The following TP63 variants were observed in gnomAD, a reference collection of about 807,000 sequenced individuals.
The protein encoded by TP63 is tumor protein 63.
Under a neutral mutation model 82.8 loss-of-function variants are expected in TP63, and 17 were observed. That is an observed-to-expected ratio of 0.21 (90% CI 0.14 to 0.31). The LOEUF is 0.31. Among genes scored for constraint, TP63 ranks in the 10% least tolerant of loss-of-function variants. The pLI, the probability that TP63 is intolerant of heterozygous loss-of-function variation, is 1.00. For synonymous variants in TP63, 330 were observed against 321.7 expected (o/e 1.03, Z -0.28); for missense variants, 648 against 895.3 (o/e 0.72, Z 3.52).
chr3:189,598,879 C>T, the TP63 span, among the ~76,000 whole-genome samples: 11 of 152,178 alleles, frequency 7.2e-5, no homozygotes, highest in Non-Finnish European at 1.5e-4. Flanking sequence ...AATCTAGAGG[C>T]CCCAGAGAGT....
intron 3 of TP63, among the ~76,000 whole-genome samples, chr3:189,802,139 T>C (rs1050677141): frequency 2.0e-5 from 3 of 152,230 alleles, no homozygotes; most frequent in African/African-American, 7.2e-5. Context: ...ATGTCTCCCT[T>C]AGGCAGTGCT....
At chr3:189,784,662 C>T (rs1208467551) in intron 3 of TP63, among the ~76,000 whole-genome samples, 1 of 152,046 alleles carries the variant, frequency 6.6e-6, no homozygotes, top group Admixed American at 6.6e-5. Flanking sequence ...TAGAATACAA[C>T]TGTAAGATTT....
At chr3:189,816,676 AATAGAAAG>A (rs1254197017) in intron 4 of TP63, among the ~76,000 whole-genome samples, 2 of 152,194 alleles carry the variant, frequency 1.3e-5, no homozygotes, top group African/African-American at 4.8e-5. Context: ...TTTATTGTAG[AATAGAAAG>A]ATAGAAAGAT....
At chr3:189,718,622 C>G (rs571371267) in intron 1 of TP63, among the ~76,000 whole-genome samples, 20 of 151,684 alleles carry the variant, frequency 1.3e-4, no homozygotes, top group African/African-American at 4.8e-4. Flanking sequence ...CCTGAAAATA[C>G]TGCATAAATA....
intron 1 of TP63, among the ~76,000 whole-genome samples, chr3:189,719,383 C>A (rs1189895199): frequency 1.3e-5 from 2 of 152,106 alleles, no homozygotes; most frequent in Non-Finnish European, 2.9e-5. Context: ...ATTATGTGCC[C>A]ATATTCACTC....
Position 189,721,036 on chromosome 3 carries a change from T to C in TP63, c.63-16704T>C, listed in dbSNP as rs549126899. Among the ~76,000 whole-genome samples, 5 of 152,300 alleles carry C rather than the reference T, an allele frequency of 3.3e-5. No homozygotes were observed. The South Asian group carries it at 1.0e-3, about 32-fold the overall frequency. On this transcript the variant is annotated intron_variant, in intron 1 of 13. Coordinates refer to ENST00000264731, the MANE Select transcript of TP63 (RefSeq NM_003722.5). Reference sequence around the variant, plus strand: ...CCTGTAGGAGGTGATTGGCTTCCGATGAAGTTGCTATAAGAGGACACTGAC... The same window carrying C: ...CCTGTAGGAGGTGATTGGCTTCCGACGAAGTTGCTATAAGAGGACACTGAC...
At chr3:189,741,523 A>C (rs564053269) in intron 3 of TP63, among the ~76,000 whole-genome samples, 19 of 152,324 alleles carry the variant, frequency 1.2e-4, no homozygotes, top group Admixed American at 1.1e-3. Context: ...TTAATAGCTA[A>C]ATAATTCCTA....
At chr3:189,871,535 G>T (rs1267021028) in intron 9 of TP63, among the ~76,000 whole-genome samples, 1 of 152,142 alleles carries the variant, frequency 6.6e-6, no homozygotes, top group African/African-American at 2.4e-5. Flanking sequence ...TCAACAAAAG[G>T]TGGAGAACAT....
intron 4 of TP63, among the ~76,000 whole-genome samples, chr3:189,836,656 G>A (rs996113463): frequency 1.3e-5 from 2 of 152,074 alleles, no homozygotes; most frequent in African/African-American, 4.8e-5. Flanking sequence ...CCTACCTGTT[G>A]TTCAACTGGT....
intron 3 of TP63, among the ~76,000 whole-genome samples, chr3:189,768,445 C>G (rs1043709844): frequency 6.6e-6 from 1 of 152,000 alleles, no homozygotes; most frequent in Non-Finnish European, 1.5e-5. Flanking sequence ...TAAAATATCT[C>G]GAATCACAAA....
chr3:189,856,340 A>G (rs1254213860), intron 4 of TP63, among the ~76,000 whole-genome samples: 2 of 151,862 alleles, frequency 1.3e-5, no homozygotes, highest in African/African-American at 4.8e-5. Context: ...AATGCTTCAC[A>G]TATGACTCAG....
intron 10 of TP63, among the ~76,000 whole-genome samples, chr3:189,877,476 C>T (rs962199205): frequency 6.6e-6 from 1 of 152,196 alleles, no homozygotes. Flanking sequence ...GCTGACATCA[C>T]TTTGTTACAG....
chr3:189,872,749 C>T, intron 9 of TP63, 110 bp from the exon 10 acceptor site: 1 of 1,480,044 alleles, frequency 6.8e-7, no homozygotes, highest in Non-Finnish European at 9.3e-7. Flanking sequence ...TAAACGTTAG[C>T]AAATAAACAA....
chr3:189,806,333 C>A (rs991029090), intron 3 of TP63, among the ~76,000 whole-genome samples: 1 of 152,072 alleles, frequency 6.6e-6, no homozygotes, highest in African/African-American at 2.4e-5. Flanking sequence ...GTTTCTTTGT[C>A]CTTTTTGTCA....
chr3:189,881,589 C>A, intron 10 of TP63: 1 of 879,664 alleles, frequency 1.1e-6, no homozygotes, highest in Non-Finnish European at 1.4e-6. Flanking sequence ...ATGTGTAGGT[C>A]TAAGGAACAA....
chr3:189,758,483 A>G (rs1294647713), intron 3 of TP63, among the ~76,000 whole-genome samples: 1 of 152,210 alleles, frequency 6.6e-6, no homozygotes, highest in Non-Finnish European at 1.5e-5. Context: ...GGGAGAAGGG[A>G]TGCAAGACTC....
At chr3:189,671,113 A>G (rs1714850786) in intron 1 of TP63, among the ~76,000 whole-genome samples, 1 of 152,112 alleles carries the variant, frequency 6.6e-6, no homozygotes, top group Non-Finnish European at 1.5e-5. Flanking sequence ...AAGAGAGAAA[A>G]TGTTTGGAAA....
chr3:189,596,838 A>G, the TP63 span, among the ~76,000 whole-genome samples: 96 of 152,158 alleles, frequency 6.3e-4, no homozygotes, highest in African/African-American at 2.1e-3. Flanking sequence ...TTGGGTGCAC[A>G]CTGCTTTTAT....
chr3:189,865,401 G>C (rs1717595705), intron 5 of TP63, among the ~76,000 whole-genome samples: 1 of 152,104 alleles, frequency 6.6e-6, no homozygotes, highest in South Asian at 2.1e-4. Context: ...TAGCAGAAAA[G>C]GTCAGCAATG....
Sources: gnomAD v4.1 joint callset for allele counts (sites outside exome capture counted in the v4.1 genomes callset) on GRCh38, gnomAD v4.1.1 for gene constraint, MANE v1.5 for transcripts, NCBI Gene and HGNC (gene_info 2026-07-23, HGNC 2026-07-21) for gene names.